MYH15: variants seen among roughly 807,000 people sequenced by gnomAD.
MYH15 encodes the protein myosin-15.
Under a neutral mutation model 240.5 loss-of-function variants are expected in MYH15, and 227 were observed. The observed-to-expected ratio is 0.94, with a 90% CI of 0.85 to 1.05. The LOEUF is 1.05. Among genes scored for constraint, MYH15 ranks in the 50% least tolerant of loss-of-function variants. The pLI, the probability that MYH15 is intolerant of heterozygous loss-of-function variation, is 0.00. For missense variants in MYH15, 2,217 were observed against 2,247.5 expected (o/e 0.99, Z 0.27); for synonymous variants, 785 against 796.7 (o/e 0.99, Z 0.25).
chr3:108,520,092 A>G (rs1478283675), intron 1 of MYH15, among the ~76,000 whole-genome samples: 1 of 152,202 alleles, frequency 6.6e-6, no homozygotes, highest in Non-Finnish European at 1.5e-5. Context: ...TACTAGAATA[A>G]TTAAGATGTG....
At position 108,485,128 on chromosome 3, in the gene MYH15, T is replaced by A. The variant is rs1271785084; in HGVS notation, c.1077A>T (p.Lys359Asn). Residue 359 changes from lysine to asparagine, a missense_variant, in exon 11 of 41, where the codon AAA becomes AAT. Transcript: ENST00000693548. The part of the protein sequence containing the change: ...MHFGNMKFKQ[K>N]PREEQLEADG... ...CTGCTTCCAGTTGCTCTTCTCTAGG[T>A]TTCTGTTTAAATTTCATATTTCCAA... The A allele has an allele frequency of 6.2e-7, 1 of 1,614,090 alleles. No homozygotes were observed. Among genetic ancestry groups the A allele is most frequent in the Non-Finnish European group, 8.5e-7 (1 of 1,179,966 alleles).
chr3:108,516,201 C>T (rs1005551435), intron 1 of MYH15, among the ~76,000 whole-genome samples: 1 of 152,166 alleles, frequency 6.6e-6, no homozygotes, highest in Non-Finnish European at 1.5e-5. Context: ...ATTAGATTCG[C>T]TTGAGTTCTT....
chr3:108,513,746 TACA>T (rs1350808353), upstream of MYH15, among the ~76,000 whole-genome samples: 8 of 152,208 alleles, frequency 5.3e-5, no homozygotes, highest in African/African-American at 1.9e-4. Flanking sequence ...ACAATGAATG[TACA>T]CATTTTCCAT....
the MYH15 span, among the ~76,000 whole-genome samples, chr3:108,542,552 C>A: frequency 6.6e-6 from 1 of 152,144 alleles, no homozygotes; most frequent in African/African-American, 2.4e-5. Flanking sequence ...TTATTTTTAG[C>A]ATTGAATATT....
intron 21 of MYH15, among the ~76,000 whole-genome samples, chr3:108,450,575 GACA>G (rs2082963578): frequency 6.6e-6 from 1 of 152,140 alleles, no homozygotes; most frequent in African/African-American, 2.4e-5. Flanking sequence ...TTGCTCAAAG[GACA>G]CAACGTTTCA....
the MYH15 span, chr3:108,543,740 A>G: frequency 3.9e-5 from 6 of 152,294 alleles, no homozygotes; most frequent in African/African-American, 1.4e-4. Context: ...GCAGGATGAT[A>G]GGCAATGGTG....
At chr3:108,529,173 G>C in intron 1 of MYH15, 1 of 1,250,042 alleles carries the variant, frequency 8.0e-7, no homozygotes, top group Non-Finnish European at 1.2e-6. Flanking sequence ...TGCTGATTAA[G>C]ACCATCAAGA....
Position 108,464,871 on chromosome 3 carries a change from G to A in MYH15, c.1555-57C>T, listed in dbSNP as rs185390612. 2,165 of 1,458,248 alleles carry A rather than the reference G, an allele frequency of 1.5e-3. 4 individuals carry two copies. The highest frequency in any genetic ancestry group is 2.3e-3 in the Middle Eastern group (13 of 5,552). The allele number at this position is 1,458,248 out of a possible 1,614,324, so 90.3% of individuals were successfully genotyped here. ...TTTAAAAACACCGGCACTTTCAGTA[G>A]GGGGTCAGTATAAATTCTTTCCCAG... On this transcript the variant is annotated intron_variant, in intron 14 of 40. Coordinates refer to ENST00000693548, the MANE Select transcript of MYH15 (RefSeq NM_014981.3).
intron 30 of MYH15, among the ~76,000 whole-genome samples, chr3:108,412,496 G>C (rs546357292): frequency 6.6e-6 from 1 of 152,198 alleles, no homozygotes; most frequent in East Asian, 1.9e-4. Flanking sequence ...AGCAGTGTGA[G>C]AACAGACTAA....
At chr3:108,436,583 G>A (rs1262930342) in intron 25 of MYH15, among the ~76,000 whole-genome samples, 3 of 152,180 alleles carry the variant, frequency 2.0e-5, no homozygotes, top group Admixed American at 6.5e-5. Flanking sequence ...TCTGTCGCCA[G>A]GCTGGAGTAC....
intron 1 of MYH15, among the ~76,000 whole-genome samples, chr3:108,527,479 A>C (rs1437118554): frequency 6.6e-6 from 1 of 152,106 alleles, no homozygotes; most frequent in African/African-American, 2.4e-5. Flanking sequence ...AGCTATAGAC[A>C]GTTACATGTT....
chr3:108,408,525 T>C, intron 31 of MYH15, 121 bp from the exon 32 acceptor site: 2 of 965,914 alleles, frequency 2.1e-6, no homozygotes, highest in Admixed American at 2.7e-5. Flanking sequence ...CCTTGGTAAC[T>C]TGATGACCTA....
chr3:108,432,670 G>T (rs1186209865), intron 25 of MYH15, among the ~76,000 whole-genome samples: 1 of 152,224 alleles, frequency 6.6e-6, no homozygotes, highest in Non-Finnish European at 1.5e-5. Flanking sequence ...CTGCGTCCCA[G>T]CTGCTCCAGC....
rs759147066 is a variant in MYH15, at chr3:108,470,746, C to T, written c.1335G>A (p.Arg445=). The T allele has an allele frequency of 1.2e-6, 2 of 1,613,796 alleles. No individual in the cohort carries two copies. Among genetic ancestry groups the T allele is most frequent in the Non-Finnish European group, 1.7e-6 (2 of 1,179,854 alleles). The change falls in exon 13 of 41, where the codon AGG becomes AGA. Residue 445 remains arginine, a synonymous_variant. Transcript: ENST00000693548. ...TGTCAAGAATGCCAATGAAGAACTG[C>T]CTTGACAGCTTGGCATCCAGGGCCC... ...INRALDAKLS[R]QFFIGILDIT...
At chr3:108,526,744 T>A (rs763637361) in intron 1 of MYH15, among the ~76,000 whole-genome samples, 2 of 152,186 alleles carry the variant, frequency 1.3e-5, no homozygotes, top group African/African-American at 2.4e-5. Flanking sequence ...GGCTGACACT[T>A]TCTCATAAAC....
chr3:108,431,187 T>A (rs149245575), intron 25 of MYH15, among the ~76,000 whole-genome samples: 2 of 152,258 alleles, frequency 1.3e-5, no homozygotes, highest in Non-Finnish European at 2.9e-5. Flanking sequence ...TGTTTAATTA[T>A]GTTTTAAATT....
chr3:108,520,997 G>T (rs545074635), intron 1 of MYH15, among the ~76,000 whole-genome samples: 1 of 152,084 alleles, frequency 6.6e-6, no homozygotes, highest in Non-Finnish European at 1.5e-5. Context: ...AAAGGCAGAG[G>T]TGATAAGCTA....
rs781612328 is a variant in MYH15 at position 108,428,647 on chromosome 3, A to G, written c.3547T>C (p.Ser1183Pro). ...ATLHFETTSA[S>P]LKKRHADSLA... The stretch of plus-strand genomic sequence containing the variant: ...CTGTCTGCATGTCTCTTCTTCAAAG[A>G]TGCAGAAGTTGTCTCAAAGTGCAGA... The change falls in exon 27 of 41, where the codon TCT becomes CCT. Residue 1183 changes from serine to proline, a missense_variant. By Grantham distance (74) the Ser-to-Pro change is moderately conservative (BLOSUM62 -1). Coordinates refer to ENST00000693548, the MANE Select transcript of MYH15 (RefSeq NM_014981.3). 25 of 1,613,156 alleles carry G rather than the reference A, an allele frequency of 1.5e-5. No individual in the cohort carries two copies. The highest frequency in any genetic ancestry group is 2.0e-5 in the Non-Finnish European group (24 of 1,179,912).
intron 1 of MYH15, among the ~76,000 whole-genome samples, chr3:108,508,445 C>G (rs2083495581): frequency 6.6e-6 from 1 of 152,158 alleles, no homozygotes; most frequent in African/African-American, 2.4e-5. Flanking sequence ...ACTGGCTTTG[C>G]TGGTAAAAAG....
Sources: gnomAD v4.1 joint callset for allele counts (sites outside exome capture counted in the v4.1 genomes callset) on GRCh38, gnomAD v4.1.1 for gene constraint, MANE v1.5 for transcripts, NCBI Gene and HGNC (gene_info 2026-07-23, HGNC 2026-07-21) for gene names.